Variants in GABRG3 observed in about 807,000 individuals in gnomAD.
GABRG3 encodes the protein gamma-aminobutyric acid type A receptor subunit gamma3.
In GABRG3, 25 loss-of-function variants were observed where a neutral mutation model predicts 48.8. That is an observed-to-expected ratio of 0.51 (90% CI 0.37 to 0.72). The LOEUF (loss-of-function observed/expected upper bound fraction) is 0.72. Ranked by LOEUF, GABRG3 falls within the 30% of genes least tolerant of loss-of-function variation. The probability of loss-of-function intolerance (pLI) is 0.00; values close to 1 mark genes in which losing one functional copy is unlikely to be tolerated. For missense variants in GABRG3, 394 were observed against 577.9 expected, an observed-to-expected ratio of 0.68 and a Z score of 3.26; for synonymous variants, 227 against 217.6, an observed-to-expected ratio of 1.04 and a Z score of -0.38.
At chr15:27,055,409 T>C (rs867217127) in intron 3 of GABRG3, among the ~76,000 whole-genome samples, 8 of 152,192 alleles carry the variant, frequency 5.3e-5, no homozygotes, top group African/African-American at 1.9e-4. Context: ...AAGGAGATAA[T>C]GGAAGACTTA....
At chr15:27,245,231 A>C (rs1890235920) in intron 3 of GABRG3, among the ~76,000 whole-genome samples, 1 of 152,194 alleles carries the variant, frequency 6.6e-6, no homozygotes, top group Non-Finnish European at 1.5e-5. Flanking sequence ...GGTGCCAGGC[A>C]GAGTGAGTGA....
chr15:27,333,442 C>T (rs1274528014), intron 5 of GABRG3, among the ~76,000 whole-genome samples: 1 of 152,050 alleles, frequency 6.6e-6, no homozygotes, highest in Non-Finnish European at 1.5e-5. Context: ...TCTTTGGAGC[C>T]AAAAACAGCA....
chr15:27,034,025 A>C (rs552682434), intron 3 of GABRG3, among the ~76,000 whole-genome samples: 1 of 152,304 alleles, frequency 6.6e-6, no homozygotes, highest in African/African-American at 2.4e-5. Flanking sequence ...CTTGAATCAG[A>C]ATCTGCATTT....
intron 2 of GABRG3, among the ~76,000 whole-genome samples, chr15:26,981,258 G>A (rs1408203778): frequency 6.6e-6 from 1 of 152,198 alleles, no homozygotes. Context: ...ACTGCTGTGA[G>A]CATTTCTGTA....
intron 5 of GABRG3, among the ~76,000 whole-genome samples, chr15:27,388,363 AGG>A: frequency 3.9e-5 from 1 of 25,478 alleles, no homozygotes; most frequent in East Asian, 4.4e-3. Context: ...TAAGGAAGGA[AGG>A]AAGAAAGGAA....
chr15:27,516,436 C>T (rs1229784970), intron 6 of GABRG3, among the ~76,000 whole-genome samples: 2 of 152,180 alleles, frequency 1.3e-5, no homozygotes. Flanking sequence ...ACCTATCTTT[C>T]TTCTGGGGAT....
At chr15:27,114,385 C>G (rs980509949) in intron 3 of GABRG3, among the ~76,000 whole-genome samples, 1 of 152,164 alleles carries the variant, frequency 6.6e-6, no homozygotes, top group Admixed American at 6.5e-5. Flanking sequence ...AATTCAAATT[C>G]AGGGCTACCT....
At chr15:26,983,413 G>A (rs535556903) in intron 2 of GABRG3, among the ~76,000 whole-genome samples, 3 of 152,146 alleles carry the variant, frequency 2.0e-5, no homozygotes, top group African/African-American at 7.2e-5. Context: ...ATAGCACTTC[G>A]GAGTAGATAG....
At chr15:27,243,145 A>AT (rs1890177867) in intron 3 of GABRG3, among the ~76,000 whole-genome samples, 1 of 152,184 alleles carries the variant, frequency 6.6e-6, no homozygotes, top group Non-Finnish European at 1.5e-5. Flanking sequence ...GCCTCTAGTG[A>AT]TAAAGAACAC....
At chr15:27,441,080 G>A (rs1344406202) in intron 5 of GABRG3, among the ~76,000 whole-genome samples, 1 of 152,094 alleles carries the variant, frequency 6.6e-6, no homozygotes, top group Admixed American at 6.5e-5. Context: ...AAGATCAAGG[G>A]GTTGTTGTTT....
intron 3 of GABRG3, among the ~76,000 whole-genome samples, chr15:27,183,575 A>G (rs969762286): frequency 6.6e-6 from 1 of 152,244 alleles, no homozygotes; most frequent in South Asian, 2.1e-4. Context: ...CTGTTTGCCT[A>G]TTGAAGCATG....
chr15:27,002,379 G>A (rs1895465048), intron 2 of GABRG3, among the ~76,000 whole-genome samples: 1 of 152,108 alleles, frequency 6.6e-6, no homozygotes, highest in African/African-American at 2.4e-5. Context: ...TCCTCCCTCA[G>A]CATGGATTCT....
At chr15:27,168,982 G>C (rs980999913) in intron 3 of GABRG3, among the ~76,000 whole-genome samples, 1 of 152,198 alleles carries the variant, frequency 6.6e-6, no homozygotes, top group East Asian at 1.9e-4. Flanking sequence ...GGTCCTTCTT[G>C]CTCTTTGTTA....
intron 3 of GABRG3, among the ~76,000 whole-genome samples, chr15:27,244,299 G>A (rs1228935178): frequency 6.6e-6 from 1 of 152,204 alleles, no homozygotes; most frequent in Non-Finnish European, 1.5e-5. Flanking sequence ...AGCAAGGTAT[G>A]GGCGAGGATG....
In GABRG3 at chr15:27,236,743, C is replaced by T. The variant is rs2140451103; in HGVS notation, c.271-90066C>T. ...TGCTTCACCGTTTGACATCAGAGGGCCAAAAACTCTATCCTCGGATCATGC... is the reference window on the plus strand; with the variant it reads ...TGCTTCACCGTTTGACATCAGAGGGTCAAAAACTCTATCCTCGGATCATGC... On this transcript the variant is annotated intron_variant, in intron 3 of 9. Coordinates refer to ENST00000615808, the MANE Select transcript of GABRG3 (RefSeq NM_033223.5). The surrounding 1 kb of genome is among the most constrained non-coding windows in gnomAD (Gnocchi z 4.4). Among the ~76,000 whole-genome samples the T allele has an allele frequency of 6.6e-6, 1 of 152,294 alleles. No individual in the cohort carries two copies. The highest frequency in any genetic ancestry group is 2.1e-4 in the South Asian group (1 of 4,824).
chr15:27,378,906 C>A (rs1274069646), intron 5 of GABRG3, among the ~76,000 whole-genome samples: 2 of 151,944 alleles, frequency 1.3e-5, no homozygotes, highest in Non-Finnish European at 2.9e-5. Flanking sequence ...TGGGTCTTCT[C>A]TGAATGCCCT....
intron 3 of GABRG3, 35 bp downstream of exon 3, chr15:27,026,856 G>C (rs1006362554): frequency 7.0e-7 from 1 of 1,435,958 alleles, no homozygotes; most frequent in African/African-American, 1.4e-5. Context: ...TCTAACGGCT[G>C]TTGCACCTCT....
chr15:27,369,777 A>G (rs1043111426), intron 5 of GABRG3, among the ~76,000 whole-genome samples: 5 of 142,038 alleles, frequency 3.5e-5, no homozygotes, highest in African/African-American at 1.1e-4. Context: ...ACTGCACTCC[A>G]GCCTGGGCGA....
chr15:27,128,829 CTG>C (rs1897866991), intron 3 of GABRG3, among the ~76,000 whole-genome samples: 1 of 152,144 alleles, frequency 6.6e-6, no homozygotes, highest in Admixed American at 6.5e-5. Context: ...CAGAACGATA[CTG>C]TGTGTCTCAT....
Sources: allele counts gnomAD v4.1 joint callset (sites outside exome capture counted in the v4.1 genomes callset), GRCh38; gene constraint gnomAD v4.1.1; non-coding constraint Gnocchi (gnomAD v3.1); transcripts MANE v1.5; gene names NCBI Gene and HGNC (gene_info 2026-07-23, HGNC 2026-07-21).